The following FGFR2 variants were observed in gnomAD, a reference collection of about 807,000 sequenced individuals.
FGFR2 encodes BEK fibroblast growth factor receptor.
A neutral mutation model predicts 95.9 loss-of-function variants in FGFR2; 19 were observed. The ratio of observed to expected loss-of-function variants is 0.20; its 90% confidence interval spans 0.14 to 0.29. The LOEUF is 0.29. FGFR2 is among the 10% of genes least tolerant of loss of function. The pLI is 1.00. For missense variants in FGFR2, 707 were observed against 1,056.9 expected (o/e 0.67, Z 4.59); for synonymous variants, 392 against 393.3 (o/e 1.00, Z 0.04).
At chr10:121,566,467 T>G (rs1171356811) in intron 2 of FGFR2, among the ~76,000 whole-genome samples, 1 of 152,080 alleles carries the variant, frequency 6.6e-6, no homozygotes, top group African/African-American at 2.4e-5. Context: ...TGCCCCCGAC[T>G]CCACACGACA....
At chr10:121,591,556 G>T (rs1378581269) in intron 2 of FGFR2, among the ~76,000 whole-genome samples, 4 of 152,202 alleles carry the variant, frequency 2.6e-5, no homozygotes, top group Admixed American at 2.6e-4. Context: ...AGACCCTAAA[G>T]ATCATCTTCT....
At chr10:121,509,550 C>T (rs1485073761) in intron 9 of FGFR2, among the ~76,000 whole-genome samples, 1 of 116,368 alleles carries the variant, frequency 8.6e-6, no homozygotes, top group Non-Finnish European at 1.6e-5. Context: ...CAGGCACGAT[C>T]TTGGCTCACT....
At chr10:121,564,257 A>C (rs1182200873) in intron 4 of FGFR2, 1 of 560,296 alleles carries the variant, frequency 1.8e-6, no homozygotes, top group Admixed American at 3.1e-5. Flanking sequence ...AGGAAAGAAA[A>C]GTAGTAACTG....
intron 17 of FGFR2, chr10:121,482,022 A>T (rs946970935): frequency 1.7e-6 from 1 of 591,794 alleles, no homozygotes; most frequent in Non-Finnish European, 3.0e-6. Flanking sequence ...TATCTTTAGT[A>T]GAGACAGGGT....
At chr10:121,523,421 T>C (rs1318640027) in intron 6 of FGFR2, among the ~76,000 whole-genome samples, 1 of 152,166 alleles carries the variant, frequency 6.6e-6, no homozygotes, top group African/African-American at 2.4e-5. Context: ...CAGCGGGCAG[T>C]GACCGAGGTC....
At chr10:121,571,294 CTTTTTTTTTTTTTTT>C (rs35943673) in intron 2 of FGFR2, among the ~76,000 whole-genome samples, 1 of 39,298 alleles carries the variant, frequency 2.5e-5, no homozygotes, top group Admixed American at 4.8e-4. Context: ...CGTGCCTGGC[CTTTTTTTTTTTTTTT>C]TTTTTTTTTG....
intron 2 of FGFR2, among the ~76,000 whole-genome samples, chr10:121,578,329 C>A (rs912406538): frequency 6.6e-6 from 1 of 152,226 alleles, no homozygotes; most frequent in Non-Finnish European, 1.5e-5. Flanking sequence ...GTTCCCTCTA[C>A]CTACAAGCCC....
rs765242587 is a variant in FGFR2, at chr10:121,517,554, C to A, written c.940-91G>T. On this transcript the variant is annotated intron_variant, in intron 7 of 17. Transcript: ENST00000358487. The surrounding 1 kb of genome is among the most constrained non-coding windows in gnomAD (Gnocchi z 4.7). ...GAACCACAAGGCGTCGCACCGGGGG[C>A]TTCAGGGGGTGCTGGCCACTGGGAG... is the stretch of plus-strand genomic sequence containing the variant. 43 of 1,501,774 alleles carry A rather than the reference C, an allele frequency of 2.9e-5. No homozygotes were observed. The highest frequency in any genetic ancestry group is 3.8e-5 in the Non-Finnish European group (41 of 1,087,416). The allele number at this position is 1,501,774 out of a possible 1,614,324, so 93.0% of individuals were successfully genotyped here. A position where few individuals can be genotyped will look rare whatever the true frequency, so the allele number is the denominator to read the frequency against.
intron 6 of FGFR2, among the ~76,000 whole-genome samples, chr10:121,534,366 G>A (rs1852523098): frequency 6.6e-6 from 1 of 150,980 alleles, no homozygotes; most frequent in South Asian, 2.1e-4. Flanking sequence ...CAAACTGCTG[G>A]GATTACAGGT....
chr10:121,478,663 C>A lies in FGFR2; in HGVS notation c.*1194G>T. ...ATGGACGTATCCCCAAAACTATCAGCAGAACAACTCTGTGTTTCAATTTTC... is the reference window on the plus strand; with the variant it reads ...ATGGACGTATCCCCAAAACTATCAGAAGAACAACTCTGTGTTTCAATTTTC... On this transcript the variant is annotated 3_prime_UTR_variant, in exon 18 of 18. Coordinates refer to ENST00000358487, the MANE Select transcript of FGFR2 (RefSeq NM_000141.5). 4.3e-6 allele frequency: 1 copy of A among 233,314 alleles called. No individual in the cohort carries two copies. The highest frequency in any genetic ancestry group is 8.5e-6 in the Non-Finnish European group (1 of 117,992). 14.5% of individuals were successfully genotyped at this position (233,314 alleles called of 1,614,324 possible). A position where few individuals can be genotyped will look rare whatever the true frequency, so the allele number is the denominator to read the frequency against.
chr10:121,511,191 C>A (rs920006843), intron 9 of FGFR2, among the ~76,000 whole-genome samples: 2 of 151,562 alleles, frequency 1.3e-5, no homozygotes, highest in African/African-American at 2.4e-5. Context: ...AAAAAAAAAA[C>A]CACCCTGCAG....
Position 121,485,234 on chromosome 10 carries a change from G to A in FGFR2, c.2195+161C>T, listed in dbSNP as rs892402994. Among the ~76,000 whole-genome samples, 2 of 151,978 alleles carry A rather than the reference G, an allele frequency of 1.3e-5. No homozygotes were observed. The highest frequency in any genetic ancestry group is 2.9e-5 in the Non-Finnish European group (2 of 68,002). ...CAGACAAGTAATGGTTGTCGGTGTC[G>A]CTATGTATCCCAGCTCTGGATTGAG... On this transcript the variant is annotated intron_variant, in intron 16 of 17. Transcript: ENST00000358487. This position sits in a 1 kb window ranked among gnomAD's most constrained non-coding sequence, Gnocchi z 4.2.
chr10:121,538,825 G>C, intron 5 of FGFR2, 110 bp from the exon 6 acceptor site: 1 of 1,384,100 alleles, frequency 7.2e-7, no homozygotes, highest in South Asian at 1.2e-5. Context: ...AGGTATGGAA[G>C]AATCACCTAA....
intron 6 of FGFR2, among the ~76,000 whole-genome samples, chr10:121,522,364 C>T (rs1260163673): frequency 6.6e-6 from 1 of 152,118 alleles, no homozygotes; most frequent in Non-Finnish European, 1.5e-5. Flanking sequence ...TGGGACCAGC[C>T]TGGGCAACAT....
At chr10:121,554,812 G>GT (rs1395743792) in intron 4 of FGFR2, among the ~76,000 whole-genome samples, 2 of 152,102 alleles carry the variant, frequency 1.3e-5, no homozygotes, top group African/African-American at 2.4e-5. Flanking sequence ...TGTGTCCTCT[G>GT]TATGTTTTTG....
At chr10:121,573,017 G>C (rs771564465) in intron 2 of FGFR2, among the ~76,000 whole-genome samples, 1 of 152,246 alleles carries the variant, frequency 6.6e-6, no homozygotes, top group Non-Finnish European at 1.5e-5. Context: ...CCATCTCAGC[G>C]GGAGGGTTGT....
intron 9 of FGFR2, among the ~76,000 whole-genome samples, chr10:121,507,393 G>A (rs1848457073): frequency 6.6e-6 from 1 of 152,196 alleles, no homozygotes; most frequent in Admixed American, 6.5e-5. Flanking sequence ...TTCGAGACCA[G>A]CCTGACCAAC....
At chr10:121,480,750 G>A (rs1844567136) in intron 17 of FGFR2, among the ~76,000 whole-genome samples, 1 of 151,664 alleles carries the variant, frequency 6.6e-6, no homozygotes, top group Admixed American at 6.6e-5. Flanking sequence ...AGTTTTGAAG[G>A]TTCGAGATTC....
intron 6 of FGFR2, among the ~76,000 whole-genome samples, chr10:121,521,157 A>G (rs1850486972): frequency 6.6e-6 from 1 of 152,220 alleles, no homozygotes; most frequent in African/African-American, 2.4e-5. Context: ...ATGCACAAGT[A>G]GATGTTTCTT....
Sources: allele counts gnomAD v4.1 joint callset (sites outside exome capture counted in the v4.1 genomes callset), GRCh38; gene constraint gnomAD v4.1.1; non-coding constraint Gnocchi (gnomAD v3.1); transcripts MANE v1.5; gene names NCBI Gene and HGNC (gene_info 2026-07-23, HGNC 2026-07-21).